The following ELAVL2 variants were observed in gnomAD, a reference collection of about 807,000 sequenced individuals.
ELAVL2 encodes the protein ELAV like RNA binding protein 2, also known as ELAV-like protein 2.
Under a neutral mutation model 34.6 loss-of-function variants are expected in ELAVL2, and 4 were observed. The observed-to-expected ratio is 0.12, with a 90% CI of 0.06 to 0.26. ELAVL2 has a LOEUF of 0.26. Among genes scored for constraint, ELAVL2 ranks in the 10% least tolerant of loss-of-function variants. The pLI is 1.00. For synonymous variants in ELAVL2, 193 were observed against 154.8 expected (o/e 1.25, Z -1.83); for missense variants, 432 against 442.8 (o/e 0.98, Z 0.22).
At chr9:23,798,457 T>G (rs2137530543) in intron 1 of ELAVL2, among the ~76,000 whole-genome samples, 1 of 152,246 alleles carries the variant, frequency 6.6e-6, no homozygotes, top group Non-Finnish European at 1.5e-5. Flanking sequence ...GGGAGATAAT[T>G]ATACCACCTA....
At chr9:23,799,068 C>T (rs533210851) in intron 1 of ELAVL2, among the ~76,000 whole-genome samples, 4 of 152,212 alleles carry the variant, frequency 2.6e-5, no homozygotes, top group African/African-American at 9.6e-5. Flanking sequence ...TCATAATGGC[C>T]TTCCTAAAGT....
the ELAVL2 span, among the ~76,000 whole-genome samples, chr9:23,845,655 T>C: frequency 6.6e-6 from 1 of 151,928 alleles, no homozygotes; most frequent in South Asian, 2.1e-4. Flanking sequence ...TAATGAGGTT[T>C]AAACATGATT....
chr9:23,781,803 C>T (rs953006910), intron 1 of ELAVL2, among the ~76,000 whole-genome samples: 2 of 152,228 alleles, frequency 1.3e-5, no homozygotes, highest in Admixed American at 6.5e-5. Context: ...ACACCATTCT[C>T]CTGCCTCAGC....
intron 1 of ELAVL2, among the ~76,000 whole-genome samples, chr9:23,797,263 C>CA (rs1396302604): frequency 1.3e-5 from 2 of 152,164 alleles, no homozygotes; most frequent in South Asian, 2.1e-4. Context: ...CAGGCGTTTT[C>CA]AAAAAAATAC....
chr9:23,708,030 C>T (rs533989733), intron 3 of ELAVL2, among the ~76,000 whole-genome samples: 1 of 149,972 alleles, frequency 6.7e-6, no homozygotes, highest in East Asian at 2.0e-4. Context: ...GAAAACATAC[C>T]TAGGTCAGTT....
intron 2 of ELAVL2, among the ~76,000 whole-genome samples, chr9:23,745,110 G>A (rs1422789846): frequency 6.6e-6 from 1 of 151,952 alleles, no homozygotes; most frequent in African/African-American, 2.4e-5. Context: ...AGGCCAAGGT[G>A]GGAAGATCAC....
intron 4 of ELAVL2, among the ~76,000 whole-genome samples, chr9:23,702,060 C>T (rs970091448): frequency 6.6e-6 from 1 of 152,094 alleles, no homozygotes; most frequent in African/African-American, 2.4e-5. Flanking sequence ...AAAAATGCTA[C>T]AAAGCTATGC....
intron 2 of ELAVL2, among the ~76,000 whole-genome samples, chr9:23,734,514 GT>G (rs1354991244): frequency 2.0e-5 from 3 of 152,122 alleles, no homozygotes; most frequent in African/African-American, 7.2e-5. Flanking sequence ...CAATTAACTA[GT>G]TTATACCTGA....
At chr9:23,759,856 TG>T (rs2054555743) in intron 2 of ELAVL2, among the ~76,000 whole-genome samples, 1 of 147,540 alleles carries the variant, frequency 6.8e-6, no homozygotes, top group South Asian at 2.2e-4. Flanking sequence ...TGGAATTTCT[TG>T]GGGACTCTAC....
chr9:23,739,871 A>T (rs2048754948), intron 2 of ELAVL2, among the ~76,000 whole-genome samples: 1 of 152,064 alleles, frequency 6.6e-6, no homozygotes, highest in Non-Finnish European at 1.5e-5. Flanking sequence ...TCTGTACAAG[A>T]TCATTTTTTA....
chr9:23,810,616 G>A (rs1036222321), intron 1 of ELAVL2, among the ~76,000 whole-genome samples: 9 of 152,180 alleles, frequency 5.9e-5, no homozygotes, highest in African/African-American at 9.6e-5. Context: ...TTAAACTACA[G>A]CCAGCAGAAC....
intron 1 of ELAVL2, among the ~76,000 whole-genome samples, chr9:23,810,021 T>C (rs980337993): frequency 6.6e-6 from 1 of 151,894 alleles, no homozygotes; most frequent in Non-Finnish European, 1.5e-5. Flanking sequence ...TCCTGCCTGA[T>C]TGGGAACACA....
chr9:23,793,286 C>A (rs2060533478), intron 1 of ELAVL2, among the ~76,000 whole-genome samples: 1 of 152,192 alleles, frequency 6.6e-6, no homozygotes, highest in African/African-American at 2.4e-5. Context: ...CCAAATCATG[C>A]CAGGTACTTA....
intron 1 of ELAVL2, among the ~76,000 whole-genome samples, chr9:23,824,493 C>A (rs1468251548): frequency 6.6e-6 from 1 of 152,136 alleles, no homozygotes. Context: ...AGACGTTAAC[C>A]CCAGCCGGCT....
intron 1 of ELAVL2, among the ~76,000 whole-genome samples, chr9:23,796,060 A>T (rs553035355): frequency 6.6e-6 from 1 of 152,334 alleles, no homozygotes; most frequent in East Asian, 1.9e-4. Flanking sequence ...TTGTTTCTTA[A>T]TTTTTATGAG....
intron 1 of ELAVL2, among the ~76,000 whole-genome samples, chr9:23,803,580 T>G (rs966726485): frequency 6.6e-6 from 1 of 152,188 alleles, no homozygotes; most frequent in African/African-American, 2.4e-5. Flanking sequence ...TAAGCCATCC[T>G]GTAAAATTGT....
intron 1 of ELAVL2, among the ~76,000 whole-genome samples, chr9:23,795,804 T>TC (rs1225566796): frequency 6.6e-6 from 1 of 152,198 alleles, no homozygotes; most frequent in Non-Finnish European, 1.5e-5. Flanking sequence ...GCAATGTGTC[T>TC]CCTCCCTGAA....
intron 1 of ELAVL2, among the ~76,000 whole-genome samples, chr9:23,769,040 A>G (rs2056844943): frequency 6.6e-6 from 1 of 152,176 alleles, no homozygotes; most frequent in Non-Finnish European, 1.5e-5. Flanking sequence ...ATTTGCAACT[A>G]GAAGCTTTGA....
chr9:23,740,208 C>G (rs1564195373), intron 2 of ELAVL2, among the ~76,000 whole-genome samples: 1 of 152,162 alleles, frequency 6.6e-6, no homozygotes, highest in Non-Finnish European at 1.5e-5. Context: ...GTCTACCTGT[C>G]TGGCAGTCAA....
Sources: allele counts gnomAD v4.1 joint callset (sites outside exome capture counted in the v4.1 genomes callset), GRCh38; gene constraint gnomAD v4.1.1; transcripts MANE v1.5; gene names NCBI Gene and HGNC (gene_info 2026-07-23, HGNC 2026-07-21).